Variants in ACADSB observed in about 807,000 individuals in gnomAD.
ACADSB encodes acyl-CoA dehydrogenase short/branched chain.
In ACADSB, 40 loss-of-function variants were observed where a neutral mutation model predicts 54.1. That is an observed-to-expected ratio of 0.74 (90% CI 0.57 to 0.96). ACADSB has a LOEUF of 0.96. Ranked by LOEUF, ACADSB falls within the 40% of genes least tolerant of loss-of-function variation. The pLI, the probability that ACADSB is intolerant of heterozygous loss-of-function variation, is 0.00. For missense variants in ACADSB, 530 were observed against 510.4 expected (o/e 1.04, Z -0.37); for synonymous variants, 182 against 182.8 (o/e 1.00, Z 0.03).
At chr10:123,011,940 C>CAGGA (rs1850041932) in intron 1 of ACADSB, among the ~76,000 whole-genome samples, 1 of 151,902 alleles carries the variant, frequency 6.6e-6, no homozygotes, top group Non-Finnish European at 1.5e-5. Context: ...TAACCTTGAA[C>CAGGA]TCCTGGCTCA....
chr10:123,041,858 G>A (rs1489030658), intron 5 of ACADSB, among the ~76,000 whole-genome samples: 1 of 152,052 alleles, frequency 6.6e-6, no homozygotes, highest in Non-Finnish European at 1.5e-5. Flanking sequence ...GTATCCATGG[G>A]GGTCCTGGAA....
chr10:123,047,935 A>G (rs1850580943), intron 8 of ACADSB, among the ~76,000 whole-genome samples: 1 of 152,190 alleles, frequency 6.6e-6, no homozygotes, highest in Admixed American at 6.5e-5. Flanking sequence ...GATTTGGTCC[A>G]GTGCTGTGGC....
chr10:123,049,964 G>A (rs1212044688), intron 8 of ACADSB, among the ~76,000 whole-genome samples: 3 of 152,142 alleles, frequency 2.0e-5, no homozygotes, highest in African/African-American at 4.8e-5. Flanking sequence ...TAAATCACAG[G>A]GGAGAAGATA....
In ACADSB at chr10:123,034,463, C is replaced by T. The variant is rs1414886760; in HGVS notation, c.150C>T (p.His50=). 3 of 1,612,702 alleles carry T rather than the reference C, an allele frequency of 1.9e-6. No individual in the cohort carries two copies. The highest frequency in any genetic ancestry group is 3.3e-5 in the Admixed American group (2 of 60,024). ...ALLNITNNGI[H]FAPLQTFTDE... is the part of the protein sequence containing the mutation. The stretch of plus-strand genomic sequence containing the variant: ...TCAATATAACAAATAATGGAATACA[C>T]TTTGCTCCCCTGCAAACATTTACAG... The change falls in exon 2 of 11, where the codon CAC becomes CAT. Residue 50 remains histidine, a synonymous_variant. Coordinates refer to ENST00000358776, the MANE Select transcript of ACADSB (RefSeq NM_001609.4).
intron 7 of ACADSB, 143 bp from the exon 8 acceptor site, chr10:123,047,066 T>C (rs1188699048): frequency 9.9e-6 from 7 of 707,688 alleles, no homozygotes; most frequent in Non-Finnish European, 4.9e-6. Context: ...GGATGTGTTA[T>C]TAACACACAC....
intron 2 of ACADSB, among the ~76,000 whole-genome samples, chr10:123,034,890 G>A (rs181907012): frequency 1.3e-5 from 2 of 152,000 alleles, no homozygotes; most frequent in East Asian, 1.9e-4. Context: ...AGAGTTAGAA[G>A]TACATTTATA....
Position 123,056,309 on chromosome 10 carries a change from CT to C in ACADSB, c.*2546del, listed in dbSNP as rs1374165366. On this transcript the variant is annotated 3_prime_UTR_variant, in exon 11 of 11. Coordinates refer to ENST00000358776, the MANE Select transcript of ACADSB (RefSeq NM_001609.4). The stretch of plus-strand genomic sequence containing the variant: ...GAATCATGGCGGGAGGTGAAAAGCA[CT>C]TCGTACATGGTGGTGGCAAGAGAAA... 1 of 237,070 alleles carries C rather than the reference CT, an allele frequency of 4.2e-6. No individual in the cohort carries two copies. The highest frequency in any genetic ancestry group is 2.3e-5 in the African/African-American group (1 of 42,650). The allele number at this position is 237,070 out of a possible 1,614,324, so 14.7% of individuals were successfully genotyped here. A position where few individuals can be genotyped will look rare whatever the true frequency, so the allele number is the denominator to read the frequency against.
At chr10:123,043,378 G>T (rs1225228662) in intron 6 of ACADSB, among the ~76,000 whole-genome samples, 8 of 152,236 alleles carry the variant, frequency 5.3e-5, no homozygotes, top group African/African-American at 1.9e-4. Context: ...CCAAGAAGCT[G>T]TCCTGGGAAG....
At chr10:123,028,330 A>G (rs1012042123) in intron 1 of ACADSB, among the ~76,000 whole-genome samples, 2 of 152,176 alleles carry the variant, frequency 1.3e-5, no homozygotes, top group African/African-American at 4.8e-5. Context: ...ACATTATCTA[A>G]AACCTACTCC....
At chr10:123,019,180 G>A (rs1292694381) in intron 1 of ACADSB, among the ~76,000 whole-genome samples, 1 of 152,156 alleles carries the variant, frequency 6.6e-6, no homozygotes, top group Non-Finnish European at 1.5e-5. Context: ...AGATTCTTAT[G>A]CAGTTATAAA....
At position 123,057,262 on chromosome 10, in the gene ACADSB, T is replaced by C. The variant is rs1850720585; in HGVS notation, c.*3497T>C. On this transcript the variant is annotated 3_prime_UTR_variant, in exon 11 of 11. Coordinates refer to ENST00000358776, the MANE Select transcript of ACADSB (RefSeq NM_001609.4). Reference sequence around the variant, plus strand: ...CATCTAGACCTTGAATTTATATTTATTGATCAAGTTCTAATTTGTATGTAT... The same window carrying C: ...CATCTAGACCTTGAATTTATATTTACTGATCAAGTTCTAATTTGTATGTAT... 6.6e-6 allele frequency: 1 copy of C among 152,258 alleles called. No homozygotes were observed. The highest frequency in any genetic ancestry group is 2.4e-5 in the African/African-American group (1 of 41,466). 9.4% of individuals were successfully genotyped at this position (152,258 alleles called of 1,614,324 possible).
chr10:123,024,165 C>T (rs1159810196), intron 1 of ACADSB, among the ~76,000 whole-genome samples: 2 of 152,228 alleles, frequency 1.3e-5, no homozygotes, highest in African/African-American at 4.8e-5. Flanking sequence ...AAGTGATAGC[C>T]ATGAATGGTA....
chr10:123,031,545 G>A (rs556996498), intron 1 of ACADSB, among the ~76,000 whole-genome samples: 1 of 152,140 alleles, frequency 6.6e-6, no homozygotes, highest in Non-Finnish European at 1.5e-5. Flanking sequence ...TGAAGGGCAG[G>A]GGACATTAGA....
rs1253116147 is a variant in ACADSB, at chr10:123,034,041, T to C, written c.43-315T>C. 2.0e-5 allele frequency among the ~76,000 whole-genome samples: 3 copies of C among 152,212 alleles called. No homozygotes were observed. The East Asian group carries it at 5.8e-4, about 29-fold the overall frequency. ...ACATCAGTGGTGCTATAGTTCCAGT[T>C]TCCCCTTCTAAAATGTCAGTGAAAT... On this transcript the variant is annotated intron_variant, in intron 1 of 10. Transcript: ENST00000358776.
intron 1 of ACADSB, among the ~76,000 whole-genome samples, chr10:123,023,759 G>A (rs538831005): frequency 6.6e-6 from 1 of 152,318 alleles, no homozygotes; most frequent in South Asian, 2.1e-4. Context: ...AAAAGCCTGG[G>A]TACATGCAAT....
At chr10:123,016,885 G>A (rs1850116128) in intron 1 of ACADSB, among the ~76,000 whole-genome samples, 1 of 152,222 alleles carries the variant, frequency 6.6e-6, no homozygotes, top group Non-Finnish European at 1.5e-5. Flanking sequence ...CAGAAGCGGT[G>A]TGTTTTGAGA....
rs781310101 is a variant in ACADSB at position 123,034,420 on chromosome 10, C to T, written c.107C>T (p.Ser36Phe). ...WKIPPHVSKS[S>F]QSEALLNITN... The stretch of plus-strand genomic sequence containing the variant: ...ATTCCTCCTCATGTCTCAAAATCTT[C>T]CCAGTCAGAAGCTCTACTCAATATA... Residue 36 changes from serine to phenylalanine, a missense_variant, in exon 2 of 11, where the codon TCC becomes TTC. By Grantham distance (155) the Ser-to-Phe change is radical. Transcript: ENST00000358776. The T allele has an allele frequency of 6.2e-7, 1 of 1,613,652 alleles. No individual in the cohort carries two copies. Among genetic ancestry groups the T allele is most frequent in the Non-Finnish European group, 8.5e-7 (1 of 1,179,858 alleles).
intron 2 of ACADSB, 63 bp from the exon 3 acceptor site, chr10:123,037,684 C>T: frequency 8.6e-7 from 1 of 1,167,376 alleles, no homozygotes; most frequent in Non-Finnish European, 1.3e-6. Flanking sequence ...AAAATTTTGT[C>T]AGCAAACTAT....
chr10:123,038,659 C>G (rs1358917059), intron 3 of ACADSB, among the ~76,000 whole-genome samples: 8 of 152,180 alleles, frequency 5.3e-5, no homozygotes, highest in African/African-American at 1.9e-4. Context: ...TAAATCTTGT[C>G]TGCCATCTGG....
Sources: allele counts gnomAD v4.1 joint callset (sites outside exome capture counted in the v4.1 genomes callset), GRCh38; gene constraint gnomAD v4.1.1; transcripts MANE v1.5; gene names NCBI Gene and HGNC (gene_info 2026-07-23, HGNC 2026-07-21).